ZFAND2A: variants seen among roughly 807,000 people sequenced by gnomAD.
ZFAND2A encodes the protein zinc finger AN1-type containing 2A, also known as AN1-type zinc finger protein 2A.
Under a neutral mutation model 11.6 loss-of-function variants are expected in ZFAND2A, and 20 were observed. That is an observed-to-expected ratio of 1.72 (90% CI 1.21 to 2.50). ZFAND2A has a LOEUF of 2.50. ZFAND2A is among the 30% of genes most tolerant of loss of function. The pLI is 0.00. For synonymous variants in ZFAND2A, 93 were observed against 60.6 expected, an observed-to-expected ratio of 1.54 and a Z score of -2.48; for missense variants, 234 against 182.9, an observed-to-expected ratio of 1.28 and a Z score of -1.61.
chr7:1,152,534 T>C (rs1316724111), downstream of ZFAND2A, among the ~76,000 whole-genome samples: 2 of 152,218 alleles, frequency 1.3e-5, no homozygotes, highest in Non-Finnish European at 2.9e-5. Context: ...AGTTGAATCA[T>C]GTCCCCACAA....
downstream of ZFAND2A, among the ~76,000 whole-genome samples, chr7:1,150,902 T>TTTTTTTTTTTTTC (rs1457637386): frequency 7.0e-6 from 1 of 142,070 alleles, no homozygotes; most frequent in Non-Finnish European, 1.5e-5. Flanking sequence ...TTTTTTTTTT[T>TTTTTTTTTTTTTC]TTTGAGATTC....
chr7:1,155,252 G>A (rs1196601463), intron 4 of ZFAND2A, among the ~76,000 whole-genome samples: 1 of 152,176 alleles, frequency 6.6e-6, no homozygotes, highest in African/African-American at 2.4e-5. Flanking sequence ...CCTGACCTGG[G>A]ATCCCTCATA....
chr7:1,154,517 G>A (rs1277059525), intron 4 of ZFAND2A, among the ~76,000 whole-genome samples: 2 of 152,186 alleles, frequency 1.3e-5, no homozygotes, highest in African/African-American at 4.8e-5. Context: ...AGAAGCGGGT[G>A]TGCCAGAGAG....
At chr7:1,155,739 G>A in intron 3 of ZFAND2A, 155 bp from the exon 4 acceptor site, 1 of 902,004 alleles carries the variant, frequency 1.1e-6, no homozygotes, top group Non-Finnish European at 1.6e-6. Flanking sequence ...ACTGGGTCAT[G>A]GATTAGCGGC....
rs1793499455 is a variant in ZFAND2A, at chr7:1,155,439, G to A, written c.282+14C>T. On this transcript the variant is annotated intron_variant, in intron 4 of 4. Transcript: ENST00000316495. Reference sequence around the variant, plus strand: ...CTTCCCAGATGAAGGAACTGAGGCGGGCTCTGTCCTTACCTTCTCTTTCTT... The same window carrying A: ...CTTCCCAGATGAAGGAACTGAGGCGAGCTCTGTCCTTACCTTCTCTTTCTT... 5.0e-6 allele frequency: 8 copies of A among 1,609,154 alleles called. No individual in the cohort carries two copies. The highest frequency in any genetic ancestry group is 6.8e-6 in the Non-Finnish European group (8 of 1,178,146).
chr7:1,155,806 G>A (rs1267487759), intron 3 of ZFAND2A: 7 of 431,914 alleles, frequency 1.6e-5, no homozygotes, highest in South Asian at 5.4e-5. Context: ...AAGTTTCAAC[G>A]AATGGACTTC....
downstream of ZFAND2A, among the ~76,000 whole-genome samples, chr7:1,151,764 A>AAAG (rs1288034035): frequency 3.4e-5 from 5 of 147,188 alleles, no homozygotes; most frequent in South Asian, 2.2e-4. Context: ...ATCCCTTTTA[A>AAAG]AAAAAAAAAA....
chr7:1,152,377 C>G, downstream of ZFAND2A: 1 of 1,510,916 alleles, frequency 6.6e-7, no homozygotes, highest in Non-Finnish European at 8.9e-7. Flanking sequence ...AGCTCAGCCT[C>G]CATGTGCTGA....
intron 2 of ZFAND2A, 150 bp downstream of exon 2, chr7:1,158,008 A>G: frequency 1.2e-6 from 1 of 838,576 alleles, no homozygotes; most frequent in East Asian, 2.5e-5. Context: ...CCTCTGGTGG[A>G]TGCTAAGTGT....
At chr7:1,159,418 C>T (rs1482397998) in intron 1 of ZFAND2A, among the ~76,000 whole-genome samples, 1 of 152,134 alleles carries the variant, frequency 6.6e-6, no homozygotes, top group Non-Finnish European at 1.5e-5. Flanking sequence ...GGTACTACGG[C>T]CCCGATGGCA....
chr7:1,152,314 C>T (rs757261055), downstream of ZFAND2A: 10 of 1,581,410 alleles, frequency 6.3e-6, no homozygotes, highest in Non-Finnish European at 8.6e-6. Context: ...CTCCCAACGG[C>T]CTGGATTCAG....
intron 3 of ZFAND2A, 24 bp from the exon 4 acceptor site, chr7:1,155,608 G>T (rs767135447): frequency 6.2e-7 from 1 of 1,608,700 alleles, no homozygotes; most frequent in South Asian, 1.1e-5. Flanking sequence ...AGGTAAGATG[G>T]CATCTGAGAC....
downstream of ZFAND2A, among the ~76,000 whole-genome samples, chr7:1,151,334 C>T (rs977593038): frequency 5.3e-5 from 8 of 152,038 alleles, no homozygotes; most frequent in East Asian, 1.9e-4. Context: ...CACCTGTGGC[C>T]GCCGCTGGAC....
chr7:1,159,206 G>A (rs993884447), intron 1 of ZFAND2A, among the ~76,000 whole-genome samples: 3 of 152,268 alleles, frequency 2.0e-5, no homozygotes, highest in African/African-American at 7.2e-5. Context: ...CCCGGTGCCC[G>A]ACACACAGCA....
At chr7:1,154,706 A>T (rs890078822) in intron 4 of ZFAND2A, among the ~76,000 whole-genome samples, 24 of 152,350 alleles carry the variant, frequency 1.6e-4, no homozygotes, top group African/African-American at 5.8e-4. Context: ...ACCAAAAGTT[A>T]TTTGGTTTAT....
intron 2 of ZFAND2A, 31 bp downstream of exon 2, chr7:1,158,127 A>G (rs1793575321): frequency 1.2e-5 from 19 of 1,605,964 alleles, no homozygotes; most frequent in Non-Finnish European, 1.5e-5. Flanking sequence ...ACAAAATACC[A>G]TTTTCTATTA....
chr7:1,158,231 A>G lies in ZFAND2A; in HGVS notation c.-19T>C, dbSNP rs548702161. ...ACTCCATTATGAGAACAGTGCTCAA[A>G]ACGCAGATGGCGGAGTTAAGTGTCA... On this transcript the variant is annotated 5_prime_UTR_variant, in exon 2 of 5. Coordinates refer to ENST00000316495, the MANE Select transcript of ZFAND2A (RefSeq NM_182491.4). The G allele has an allele frequency of 1.6e-5, 26 of 1,613,350 alleles. 1 individual carries two copies. The South Asian group carries it at 1.8e-4, about 11-fold the overall frequency.
chr7:1,156,689 C>G (rs147626859), intron 3 of ZFAND2A, among the ~76,000 whole-genome samples: 6 of 152,342 alleles, frequency 3.9e-5, no homozygotes, highest in Non-Finnish European at 5.9e-5. Context: ...AGGTGGCAAC[C>G]GACATGGAAC....
rs1183151818 is a variant in ZFAND2A at position 1,160,193 on chromosome 7, C to G, written c.-275G>C. The stretch of plus-strand genomic sequence containing the variant: ...CCCCCGGATCTGAGAGCCGTCTGGG[C>G]CTTGGGGTTTCCGGGCGCGCCCCGA... On this transcript the variant is annotated 5_prime_UTR_variant, in exon 1 of 5. Transcript: ENST00000316495. The G allele has an allele frequency of 6.6e-6, 1 of 152,292 alleles. No homozygotes were observed. Among genetic ancestry groups the G allele is most frequent in the Admixed American group, 6.5e-5 (1 of 15,288 alleles). The allele number at this position is 152,292 out of a possible 1,614,324, so 9.4% of individuals were successfully genotyped here. A position where few individuals can be genotyped will look rare whatever the true frequency, so the allele number is the denominator to read the frequency against.
Sources: gnomAD v4.1 joint callset for allele counts (sites outside exome capture counted in the v4.1 genomes callset) on GRCh38, gnomAD v4.1.1 for gene constraint, MANE v1.5 for transcripts, NCBI Gene and HGNC (gene_info 2026-07-23, HGNC 2026-07-21) for gene names.